JAZF1: variants seen among roughly 807,000 people sequenced by gnomAD.
The protein encoded by JAZF1 is juxtaposed with another zinc finger protein 1.
JAZF1 carries 8 observed loss-of-function variants against 26.4 expected under a neutral mutation model. The observed-to-expected ratio is 0.30, with a 90% CI of 0.18 to 0.55. The LOEUF is 0.55. Among genes scored for constraint, JAZF1 ranks in the 20% least tolerant of loss-of-function variants. The pLI is 0.94. For missense variants in JAZF1, 199 were observed against 322.0 expected (o/e 0.62, Z 2.92); for synonymous variants, 126 against 122.3 (o/e 1.03, Z -0.20).
chr7:28,016,873 T>C (rs1583510862), intron 1 of JAZF1, among the ~76,000 whole-genome samples: 1 of 152,186 alleles, frequency 6.6e-6, no homozygotes, highest in African/African-American at 2.4e-5. Context: ...ACTAGAAATA[T>C]GGCAGTGAAT....
intron 2 of JAZF1, among the ~76,000 whole-genome samples, chr7:27,949,536 G>C (rs1362585269): frequency 6.6e-6 from 1 of 152,172 alleles, no homozygotes; most frequent in Non-Finnish European, 1.5e-5. Flanking sequence ...CTCCGGCCAG[G>C]TGGATCATGT....
At chr7:27,896,982 A>C (rs1187716904) in intron 2 of JAZF1, among the ~76,000 whole-genome samples, 1 of 152,230 alleles carries the variant, frequency 6.6e-6, no homozygotes, top group East Asian at 1.9e-4. Flanking sequence ...ATTTATCTTC[A>C]GATGCAAAAC....
intron 1 of JAZF1, among the ~76,000 whole-genome samples, chr7:28,154,784 TTATAAA>T (rs1783155074): frequency 6.6e-6 from 1 of 152,004 alleles, no homozygotes; most frequent in African/African-American, 2.4e-5. Flanking sequence ...ACATCATTGA[TTATAAA>T]TATATTCTAT....
chr7:27,944,573 A>T (rs886181177), intron 2 of JAZF1, among the ~76,000 whole-genome samples: 1 of 152,198 alleles, frequency 6.6e-6, no homozygotes, highest in African/African-American at 2.4e-5. Context: ...CTTAAAAAAA[A>T]TTTTATTTCA....
At chr7:27,929,852 A>C (rs1037831549) in intron 2 of JAZF1, among the ~76,000 whole-genome samples, 11 of 152,120 alleles carry the variant, frequency 7.2e-5, no homozygotes, top group African/African-American at 2.7e-4. Context: ...ATATACCCCA[A>C]AATATCAACA....
intron 1 of JAZF1, among the ~76,000 whole-genome samples, chr7:28,066,602 CAAAAAAA>C (rs911062551): frequency 1.9e-4 from 6 of 31,766 alleles, no homozygotes; most frequent in Non-Finnish European, 3.7e-4. Context: ...GACTCCATCT[CAAAAAAA>C]AAAAAAAAAA....
intron 3 of JAZF1, among the ~76,000 whole-genome samples, chr7:27,881,713 G>A (rs921370549): frequency 4.6e-5 from 7 of 152,132 alleles, no homozygotes; most frequent in African/African-American, 1.7e-4. Flanking sequence ...AGTTCAGCCT[G>A]GATAACCCCA....
rs940109699 is a variant in JAZF1 at position 28,092,315 on chromosome 7, A to C, written c.115+88148T>G. 4.3e-5 allele frequency among the ~76,000 whole-genome samples: 6 copies of C among 140,692 alleles called. No individual in the cohort carries two copies. The East Asian group carries it at 7.2e-4, about 17-fold the overall frequency. 92.3% of individuals were successfully genotyped at this position (140,692 alleles called of 152,430 possible). A position where few individuals can be genotyped will look rare whatever the true frequency, so the allele number is the denominator to read the frequency against. On this transcript the variant is annotated intron_variant, in intron 1 of 4. Coordinates refer to ENST00000283928, the MANE Select transcript of JAZF1 (RefSeq NM_175061.4). ...CAAAAAAAAAAAAAAAAAAAAAAAA[A>C]AAAAAAAAAAACAACTAATGTCAAA... is the stretch of plus-strand genomic sequence containing the variant.
At position 28,048,213 on chromosome 7, in the gene JAZF1, T is replaced by C. The variant is rs140333703; in HGVS notation, c.116-56232A>G. 7.2e-3 allele frequency among the ~76,000 whole-genome samples: 1,098 copies of C among 152,286 alleles called. 5 individuals are homozygous for C. Among genetic ancestry groups the C allele is most frequent in the Non-Finnish European group, 0.012 (794 of 68,000 alleles). On this transcript the variant is annotated intron_variant, in intron 1 of 4. Coordinates refer to ENST00000283928, the MANE Select transcript of JAZF1 (RefSeq NM_175061.4). ...AATTCATTTCTAAAAGACGGATACA[T>C]AGAAAAATTTTACAAACCTTTGGTT...
intron 2 of JAZF1, among the ~76,000 whole-genome samples, chr7:27,982,807 G>A (rs911038360): frequency 2.0e-5 from 3 of 152,152 alleles, no homozygotes; most frequent in Admixed American, 6.5e-5. Context: ...TGCAGCCTCC[G>A]CTGGTGATAC....
rs1378772748 is a variant in JAZF1, at chr7:28,180,441, CG to C, written c.115+21del. ...GGAGTTTCCGCGCGCCTGGCACCCC[CG>C]CCCACCCCCGGGCCATTTACCGATG... On this transcript the variant is annotated intron_variant, in intron 1 of 4. Coordinates refer to ENST00000283928, the MANE Select transcript of JAZF1 (RefSeq NM_175061.4). The C allele has an allele frequency of 1.9e-6, 3 of 1,594,046 alleles. No homozygotes were observed. The African/African-American group carries it at 4.1e-5, about 22-fold the overall frequency.
At chr7:28,071,802 G>C in intron 1 of JAZF1, 5 of 358,688 alleles carry the variant, frequency 1.4e-5, no homozygotes, top group South Asian at 1.1e-4. Flanking sequence ...CTTTCGATTT[G>C]CATTATTACT....
At chr7:27,932,684 C>T (rs940498963) in intron 2 of JAZF1, among the ~76,000 whole-genome samples, 1 of 151,990 alleles carries the variant, frequency 6.6e-6, no homozygotes, top group African/African-American at 2.4e-5. Flanking sequence ...AGACTGAAGA[C>T]AAAAAACAAA....
At position 27,940,810 on chromosome 7, in the gene JAZF1, A is replaced by G. The variant is rs532700508; in HGVS notation, c.189-45394T>C. 2.1e-4 allele frequency among the ~76,000 whole-genome samples: 32 copies of G among 152,250 alleles called. No homozygotes were observed. In the South Asian group the frequency reaches 6.4e-3, roughly 31 times the overall value. ...GTGGATTCTGTATCTGAACTTTTACACTGGTTTTGTCAACAAAATTTACTG... is the reference window on the plus strand; with the variant it reads ...GTGGATTCTGTATCTGAACTTTTACGCTGGTTTTGTCAACAAAATTTACTG... On this transcript the variant is annotated intron_variant, in intron 2 of 4. Transcript: ENST00000283928.
chr7:27,847,463 TATAAG>T (rs1783052497), intron 3 of JAZF1, among the ~76,000 whole-genome samples: 2 of 152,184 alleles, frequency 1.3e-5, no homozygotes, highest in South Asian at 2.1e-4. Flanking sequence ...GTGTGTATGG[TATAAG>T]ATAAGGGACC....
intron 1 of JAZF1, among the ~76,000 whole-genome samples, chr7:28,059,204 T>C (rs1001284928): frequency 6.6e-6 from 1 of 152,338 alleles, no homozygotes. Context: ...CAGGTTTCTT[T>C]TGGTAGGACT....
intron 2 of JAZF1, among the ~76,000 whole-genome samples, chr7:27,959,180 A>T (rs980168396): frequency 6.6e-6 from 1 of 152,272 alleles, no homozygotes; most frequent in African/African-American, 2.4e-5. Context: ...AGTAAACAGC[A>T]GATAAAGATT....
At chr7:27,868,020 G>A (rs1281640505) in intron 3 of JAZF1, among the ~76,000 whole-genome samples, 1 of 152,148 alleles carries the variant, frequency 6.6e-6, no homozygotes, top group Non-Finnish European at 1.5e-5. Context: ...TCATGGACTC[G>A]CTTGGTGACT....
intron 1 of JAZF1, among the ~76,000 whole-genome samples, chr7:28,042,042 G>A (rs1783401071): frequency 6.6e-6 from 1 of 152,234 alleles, no homozygotes; most frequent in Admixed American, 6.5e-5. Flanking sequence ...GCCTAAAAGA[G>A]GCAGCCCTCT....
Sources: gnomAD v4.1 joint callset for allele counts (sites outside exome capture counted in the v4.1 genomes callset) on GRCh38, gnomAD v4.1.1 for gene constraint, MANE v1.5 for transcripts, NCBI Gene and HGNC (gene_info 2026-07-23, HGNC 2026-07-21) for gene names.